Variants in CACNB2 observed in about 807,000 individuals in gnomAD.
The protein encoded by CACNB2 is calcium voltage-gated channel auxiliary subunit beta 2, also known as voltage-dependent L-type calcium channel subunit beta-2.
CACNB2 carries 42 observed loss-of-function variants against 73.3 expected under a neutral mutation model. The ratio of observed to expected loss-of-function variants is 0.57; its 90% CI spans 0.45 to 0.74. CACNB2 has a LOEUF of 0.74. Ranked by LOEUF, CACNB2 falls within the 30% of genes least tolerant of loss-of-function variation. CACNB2 has a pLI of 0.00. For synonymous variants in CACNB2, 348 were observed against 310.3 expected, an observed-to-expected ratio of 1.12 and a Z score of -1.28; for missense variants, 940 against 853.0, an observed-to-expected ratio of 1.10 and a Z score of -1.27.
Position 18,220,270 on chromosome 10 carries a change from GAGAGAA to G in CACNB2, c.213+69301_213+69306del, listed in dbSNP as rs1312712935. Among the ~76,000 whole-genome samples, 854 of 123,898 alleles carry G rather than the reference GAGAGAA, an allele frequency of 6.9e-3. 42 individuals carry two copies. Among genetic ancestry groups the G allele is most frequent in the African/African-American group, 0.016 (511 of 31,128 alleles). 81.3% of individuals were successfully genotyped at this position (123,898 alleles called of 152,430 possible). On this transcript the variant is annotated intron_variant, in intron 2 of 13. Transcript: ENST00000324631. The stretch of plus-strand genomic sequence containing the variant: ...AGAGAGAGAGAGAGAGAGAGAGAGA[GAGAGAA>G]AGAGAGAGAATCTTATTCTGTCACC...
chr10:18,539,881 A>T lies in CACNB2; in HGVS notation c.*157A>T, dbSNP rs528654284. The T allele has an allele frequency of 5.0e-6, 4 of 800,672 alleles. No homozygotes were observed. Among genetic ancestry groups the T allele is most frequent in the Admixed American group, 2.9e-5 (1 of 34,604 alleles). 49.6% of individuals were successfully genotyped at this position (800,672 alleles called of 1,614,324 possible). A position where few individuals can be genotyped will look rare whatever the true frequency, so the allele number is the denominator to read the frequency against. On this transcript the variant is annotated 3_prime_UTR_variant, in exon 14 of 14. Transcript: ENST00000324631. ...TGTTGCTTGAATAGCAATAGCATGG[A>T]TAGAGTATTGAGATACTTTTTCTTT...
At chr10:18,466,200 C>A (rs1440475742) in intron 3 of CACNB2, among the ~76,000 whole-genome samples, 1 of 152,154 alleles carries the variant, frequency 6.6e-6, no homozygotes, top group African/African-American at 2.4e-5. Context: ...AACTTCCAGA[C>A]ACTAAAGCTG....
intron 2 of CACNB2, among the ~76,000 whole-genome samples, chr10:18,371,963 G>A (rs201072938): frequency 0.13 from 19,808 of 152,132 alleles, 1,528 homozygotes; most frequent in East Asian, 0.24. Context: ...GTGATGATGA[G>A]CATTTTTTCA....
intron 3 of CACNB2, among the ~76,000 whole-genome samples, chr10:18,411,656 C>G (rs2044636542): frequency 6.6e-6 from 1 of 152,004 alleles, no homozygotes; most frequent in Non-Finnish European, 1.5e-5. Flanking sequence ...TTGCAGGCAC[C>G]TGCCACCATG....
chr10:18,321,934 C>T (rs2040411059), intron 2 of CACNB2, among the ~76,000 whole-genome samples: 1 of 152,104 alleles, frequency 6.6e-6, no homozygotes, highest in African/African-American at 2.4e-5. Flanking sequence ...GGGAGGATCA[C>T]AAGAGGCCAA....
chr10:18,286,517 CAAAAAAAAAAAAAAAAAAAAAA>C (rs770589594), intron 2 of CACNB2, among the ~76,000 whole-genome samples: 10 of 57,328 alleles, frequency 1.7e-4, no homozygotes, highest in Admixed American at 2.9e-4. Flanking sequence ...GATTCTGTCT[CAAAAAAAAAAAAAAAAAAAAAA>C]AAAAAAAAAA....
intron 5 of CACNB2, among the ~76,000 whole-genome samples, chr10:18,502,524 A>T (rs1026207881): frequency 6.7e-6 from 1 of 148,170 alleles, no homozygotes; most frequent in African/African-American, 2.6e-5. Context: ...CCCCGTCTCT[A>T]CTAAAAAAAA....
rs869311555 is a variant in CACNB2 at position 18,307,983 on chromosome 10, C to CTTTTTTTTT, written c.214-93922_214-93914dup. On this transcript the variant is annotated intron_variant, in intron 2 of 13. Coordinates refer to ENST00000324631, the MANE Select transcript of CACNB2 (RefSeq NM_201596.3). Reference sequence around the variant, plus strand: ...TTAAGTCTAAAATAATATATGCCAACTTTTTTTTTTTTTTTTTTTTTTTTT... The same window carrying CTTTTTTTTT: ...TTAAGTCTAAAATAATATATGCCAACTTTTTTTTTTTTTTTTTTTTTTTTTTTTTTTTTT... Among the ~76,000 whole-genome samples, 21 of 70,232 alleles carry CTTTTTTTTT rather than the reference C, an allele frequency of 3.0e-4. 4 individuals are homozygous for CTTTTTTTTT. The highest frequency in any genetic ancestry group is 4.2e-4 in the African/African-American group (7 of 16,762). The allele number at this position is 70,232 out of a possible 152,430, so 46.1% of individuals were successfully genotyped here.
intron 2 of CACNB2, among the ~76,000 whole-genome samples, chr10:18,379,380 T>C (rs955667836): frequency 6.6e-6 from 1 of 152,054 alleles, no homozygotes; most frequent in Non-Finnish European, 1.5e-5. Context: ...GCCCAGCTAA[T>C]TTTTGTATTT....
chr10:18,445,821 G>A (rs547475285), intron 3 of CACNB2, among the ~76,000 whole-genome samples: 5 of 152,288 alleles, frequency 3.3e-5, no homozygotes, highest in East Asian at 1.9e-4. Context: ...ATCACATGAC[G>A]TCAGAAGTTT....
chr10:18,224,826 C>T (rs1342396239), intron 2 of CACNB2, among the ~76,000 whole-genome samples: 1 of 152,226 alleles, frequency 6.6e-6, no homozygotes, highest in Non-Finnish European at 1.5e-5. Context: ...ATTGCAGGAG[C>T]AGAAACAGGT....
At chr10:18,259,320 C>A (rs1015878850) in intron 2 of CACNB2, among the ~76,000 whole-genome samples, 7 of 151,418 alleles carry the variant, frequency 4.6e-5, no homozygotes, top group African/African-American at 1.7e-4. Context: ...AATCCTAGCA[C>A]TTTGGGAGGC....
chr10:18,498,334 C>G, intron 3 of CACNB2, 21 bp from the exon 4 acceptor site: 1 of 1,613,898 alleles, frequency 6.2e-7, no homozygotes. Flanking sequence ...ATTTTTTTCC[C>G]TCTTCCTTTT....
intron 3 of CACNB2, among the ~76,000 whole-genome samples, chr10:18,444,151 G>A (rs763989058): frequency 6.6e-6 from 1 of 152,158 alleles, no homozygotes; most frequent in Non-Finnish European, 1.5e-5. Flanking sequence ...CAAAGGTGAT[G>A]GTTTTAGGAG....
intron 2 of CACNB2, among the ~76,000 whole-genome samples, chr10:18,307,249 G>C (rs1380810337): frequency 6.6e-6 from 1 of 152,154 alleles, no homozygotes; most frequent in Admixed American, 6.5e-5. Context: ...AGATCACGAG[G>C]CCTGAAGTTT....
intron 2 of CACNB2, among the ~76,000 whole-genome samples, chr10:18,198,098 A>G (rs2034708314): frequency 6.7e-6 from 1 of 148,248 alleles, no homozygotes; most frequent in African/African-American, 2.5e-5. Context: ...CATAATTAAC[A>G]TGTAATATAT....
At chr10:18,356,387 C>G (rs1382439139) in intron 2 of CACNB2, among the ~76,000 whole-genome samples, 1 of 152,218 alleles carries the variant, frequency 6.6e-6, no homozygotes, top group African/African-American at 2.4e-5. Context: ...AAGCCAACTT[C>G]TTTCCACCTT....
intron 2 of CACNB2, among the ~76,000 whole-genome samples, chr10:18,184,660 T>G (rs1446607836): frequency 3.3e-5 from 5 of 149,970 alleles, no homozygotes; most frequent in African/African-American, 7.4e-5. Flanking sequence ...TTTTTTTTTT[T>G]TTTTTTTTTT....
At chr10:18,357,743 G>A (rs1269979975) in intron 2 of CACNB2, among the ~76,000 whole-genome samples, 1 of 152,166 alleles carries the variant, frequency 6.6e-6, no homozygotes, top group African/African-American at 2.4e-5. Context: ...GAGAGGAGGT[G>A]CACATCCATC....
Sources: gnomAD v4.1 joint callset for allele counts (sites outside exome capture counted in the v4.1 genomes callset) on GRCh38, gnomAD v4.1.1 for gene constraint, MANE v1.5 for transcripts, NCBI Gene and HGNC (gene_info 2026-07-23, HGNC 2026-07-21) for gene names.